The following ZNF704 variants were observed in gnomAD, a reference collection of about 807,000 sequenced individuals.
ZNF704 encodes zinc finger protein 704.
ZNF704 carries 10 observed loss-of-function variants against 44.7 expected under a neutral mutation model. That is an observed-to-expected ratio of 0.22 (90% CI 0.14 to 0.38). ZNF704 has a LOEUF of 0.38. Among genes scored for constraint, ZNF704 ranks in the 10% least tolerant of loss-of-function variants. The pLI, the probability that ZNF704 is intolerant of heterozygous loss-of-function variation, is 1.00. For synonymous variants in ZNF704, 211 were observed against 207.6 expected, an observed-to-expected ratio of 1.02 and a Z score of -0.14; for missense variants, 390 against 545.5, an observed-to-expected ratio of 0.71 and a Z score of 2.84.
intron 1 of ZNF704, among the ~76,000 whole-genome samples, chr8:80,831,413 T>C (rs1479949457): frequency 1.3e-5 from 2 of 152,218 alleles, no homozygotes; most frequent in Non-Finnish European, 1.5e-5. Context: ...CTGTTCCTGG[T>C]GATCTGCAAG....
At chr8:80,839,280 G>C (rs1481443556) in intron 1 of ZNF704, among the ~76,000 whole-genome samples, 1 of 152,212 alleles carries the variant, frequency 6.6e-6, no homozygotes, top group Non-Finnish European at 1.5e-5. Context: ...GAGCAGATTA[G>C]AAGCAGATTT....
Position 80,862,597 on chromosome 8 carries a change from C to CA in ZNF704, c.-22+11973dup, listed in dbSNP as rs10523461. Among the ~76,000 whole-genome samples the CA allele has an allele frequency of 9.1e-3, 915 of 100,082 alleles. 13 individuals are homozygous for CA. Among genetic ancestry groups the CA allele is most frequent in the South Asian group, 0.083 (274 of 3,320 alleles). The allele number at this position is 100,082 out of a possible 152,430, so 65.7% of individuals were successfully genotyped here. On this transcript the variant is annotated intron_variant, in intron 1 of 8. Transcript: ENST00000327835. ...CAACATGATGAAAACTTGTCTCTAC[C>CA]AAAAAAAAAAAAAAAAAATTAGTCA...
chr8:80,664,977 C>T lies in ZNF704; in HGVS notation c.765G>A (p.Pro255=), dbSNP rs141074182. The T allele has an allele frequency of 1.4e-4, 222 of 1,614,134 alleles. No homozygotes were observed. Among genetic ancestry groups the T allele is most frequent in the African/African-American group, 6.7e-5 (5 of 75,044 alleles). The change falls in exon 6 of 9, where the codon CCG becomes CCA. Residue 255 remains proline (P), a synonymous_variant. Coordinates refer to ENST00000327835, the MANE Select transcript of ZNF704 (RefSeq NM_001033723.3). ...AAGCCAGGGACTGGGAAGGTGAGAC[C>T]GGGGCCAGGCTGCTCAGCCCGTCTG... is the stretch of plus-strand genomic sequence containing the variant. ...SVADGLSSLA[P]VSPSQSLASP...
At chr8:80,776,579 T>G (rs922555056) in intron 2 of ZNF704, 1 of 152,218 alleles carries the variant, frequency 6.6e-6, no homozygotes, top group Non-Finnish European at 1.5e-5. Flanking sequence ...TTTTCTAGAT[T>G]AGTCTTTAAA....
At chr8:80,697,235 GTT>G (rs1395134805) in intron 2 of ZNF704, among the ~76,000 whole-genome samples, 1 of 152,152 alleles carries the variant, frequency 6.6e-6, no homozygotes, top group Non-Finnish European at 1.5e-5. Context: ...AGGATGAGTG[GTT>G]TGTTGTATTC....
chr8:80,823,446 C>A (rs187287683), intron 1 of ZNF704, among the ~76,000 whole-genome samples: 1 of 152,360 alleles, frequency 6.6e-6, no homozygotes, highest in East Asian at 1.9e-4. Context: ...GTGGAGCCCA[C>A]TGCAGCTCAA....
At chr8:80,821,641 TACTC>T (rs770761910) in intron 1 of ZNF704, 26 bp from the exon 2 acceptor site, 13 of 1,579,800 alleles carry the variant, frequency 8.2e-6, no homozygotes, top group Middle Eastern at 1.7e-4. Context: ...CAGAAATTCT[TACTC>T]ACATAAAACA....
At chr8:80,858,261 T>G (rs773933693) in intron 1 of ZNF704, among the ~76,000 whole-genome samples, 26 of 152,242 alleles carry the variant, frequency 1.7e-4, no homozygotes, top group Non-Finnish European at 2.9e-5. Flanking sequence ...TTTTATTTCC[T>G]TCCTCTTCTT....
At chr8:80,667,038 G>A (rs915586877) in intron 5 of ZNF704, among the ~76,000 whole-genome samples, 13 of 152,144 alleles carry the variant, frequency 8.5e-5, no homozygotes, top group African/African-American at 3.1e-4. Context: ...AGGAGGTGAC[G>A]TTTGAGTAGA....
intron 7 of ZNF704, among the ~76,000 whole-genome samples, chr8:80,648,308 G>A (rs761800880): frequency 5.1e-4 from 77 of 152,116 alleles, no homozygotes; most frequent in Non-Finnish European, 2.5e-4. Context: ...TCTTAACTCT[G>A]GAGTTCAGTA....
chr8:80,688,776 T>G (rs1818582936), intron 3 of ZNF704, among the ~76,000 whole-genome samples: 1 of 152,190 alleles, frequency 6.6e-6, no homozygotes, highest in South Asian at 2.1e-4. Context: ...CTGGCCTATA[T>G]GGCGAAACCC....
intron 8 of ZNF704, among the ~76,000 whole-genome samples, chr8:80,642,583 C>T (rs145489351): frequency 6.6e-6 from 1 of 152,156 alleles, no homozygotes; most frequent in Admixed American, 6.5e-5. Flanking sequence ...TTCTGGAATT[C>T]TCCATTTAAC....
chr8:80,711,772 A>G (rs1585973492), intron 2 of ZNF704, among the ~76,000 whole-genome samples: 2 of 152,322 alleles, frequency 1.3e-5, no homozygotes, highest in Admixed American at 1.3e-4. Context: ...ATAAAAGCAA[A>G]TTATGTCTGA....
At chr8:80,830,753 C>CTTTCT (rs1554585536) in intron 1 of ZNF704, among the ~76,000 whole-genome samples, 6,133 of 89,588 alleles carry the variant, frequency 0.068, 379 homozygotes, top group African/African-American at 0.12. Flanking sequence ...GTGTTTCTTT[C>CTTTCT]TTTTTTTTTT....
In ZNF704 at chr8:80,683,423, C is replaced by T. The variant is rs899411835; in HGVS notation, c.558+3803G>A. 6.6e-5 allele frequency among the ~76,000 whole-genome samples: 10 copies of T among 152,236 alleles called. No homozygotes were observed. In the East Asian group the frequency reaches 1.9e-3, roughly 29 times the overall value. On this transcript the variant is annotated intron_variant, in intron 4 of 8. Transcript: ENST00000327835. ...GAGTTCCTATCTCTGCTCTCCATTT[C>T]TTTCTGAACTTTCTGCACCCTTGCT...
At chr8:80,880,117 A>AGAG in the ZNF704 span, among the ~76,000 whole-genome samples, 1 of 151,906 alleles carries the variant, frequency 6.6e-6, no homozygotes, top group African/African-American at 2.4e-5. Context: ...TGTGAAACTT[A>AGAG]TTTCATTATC....
intron 2 of ZNF704, among the ~76,000 whole-genome samples, chr8:80,697,443 G>A (rs1173375641): frequency 2.0e-5 from 3 of 152,158 alleles, no homozygotes; most frequent in Admixed American, 6.5e-5. Flanking sequence ...TCCATGCAGC[G>A]ATACTATTCA....
intron 1 of ZNF704, among the ~76,000 whole-genome samples, chr8:80,829,274 T>C (rs1808429501): frequency 6.6e-6 from 1 of 152,180 alleles, no homozygotes; most frequent in South Asian, 2.1e-4. Context: ...CACTAGTCAA[T>C]GCACTGCGTA....
chr8:80,842,792 A>G (rs1281255819), intron 1 of ZNF704, among the ~76,000 whole-genome samples: 5 of 152,222 alleles, frequency 3.3e-5, no homozygotes, highest in Non-Finnish European at 7.3e-5. Context: ...TCAGAACCAC[A>G]GTGGAAGATG....
Sources: allele counts gnomAD v4.1 joint callset (sites outside exome capture counted in the v4.1 genomes callset), GRCh38; gene constraint gnomAD v4.1.1; transcripts MANE v1.5; gene names NCBI Gene and HGNC (gene_info 2026-07-23, HGNC 2026-07-21).